PTPRG: variants seen among roughly 807,000 people sequenced by gnomAD.
PTPRG encodes receptor-type tyrosine-protein phosphatase gamma.
Under a neutral mutation model 165.3 loss-of-function variants are expected in PTPRG, and 102 were observed. The observed-to-expected ratio is 0.62, with a 90% CI of 0.53 to 0.73. PTPRG has a LOEUF of 0.73. PTPRG is among the 30% of genes least tolerant of loss of function. PTPRG has a pLI of 0.00. For synonymous variants in PTPRG, 675 were observed against 669.5 expected, an observed-to-expected ratio of 1.01 and a Z score of -0.13; for missense variants, 1,866 against 1,861.4, an observed-to-expected ratio of 1.00 and a Z score of -0.05.
intron 7 of PTPRG, among the ~76,000 whole-genome samples, chr3:62,165,167 A>G (rs1398979166): frequency 6.6e-6 from 1 of 152,106 alleles, no homozygotes; most frequent in African/African-American, 2.4e-5. Flanking sequence ...CTCCTTACTC[A>G]CCTTTTCCTC....
chr3:61,769,052 A>T (rs6762746), intron 2 of PTPRG, among the ~76,000 whole-genome samples: 1,614 of 152,294 alleles, frequency 0.011, 34 homozygotes, highest in African/African-American at 0.037. Flanking sequence ...TGTATGAAAG[A>T]GTTCCTTGGG....
At chr3:61,916,948 A>T (rs2038953044) in intron 2 of PTPRG, among the ~76,000 whole-genome samples, 1 of 152,192 alleles carries the variant, frequency 6.6e-6, no homozygotes. Context: ...GTCGAAATTG[A>T]TGGTGAATGA....
At position 62,245,219 on chromosome 3, in the gene PTPRG, C is replaced by T. The variant is rs913228733; in HGVS notation, c.2467+1321C>T. Among the ~76,000 whole-genome samples the T allele has an allele frequency of 2.6e-5, 4 of 152,170 alleles. No individual in the cohort carries two copies. Among genetic ancestry groups the T allele is most frequent in the Non-Finnish European group, 5.9e-5 (4 of 68,032 alleles). On this transcript the variant is annotated intron_variant, in intron 15 of 29. Coordinates refer to ENST00000474889, the MANE Select transcript of PTPRG (RefSeq NM_002841.4). The surrounding 1 kb of genome is among the most constrained non-coding windows in gnomAD (Gnocchi z 4.2). ...TGTGTGTTCTCCACTAACCCTGCCC[C>T]TTTTTCCTTGCTGAAGGAGACTACT...
At chr3:62,043,187 C>G (rs1700181990) in intron 4 of PTPRG, among the ~76,000 whole-genome samples, 1 of 152,168 alleles carries the variant, frequency 6.6e-6, no homozygotes, top group Admixed American at 6.5e-5. Context: ...TCAACAAATA[C>G]AAAGAAGCCC....
At chr3:61,953,985 G>T (rs1217219444) in intron 2 of PTPRG, among the ~76,000 whole-genome samples, 1 of 152,204 alleles carries the variant, frequency 6.6e-6, no homozygotes, top group Admixed American at 6.5e-5. Flanking sequence ...TTGCAAACCA[G>T]CTGCAAATAT....
rs1381083365 is a variant in PTPRG, at chr3:62,213,955, T to C, written c.2156-4896T>C. On this transcript the variant is annotated intron_variant, in intron 12 of 29. Transcript: ENST00000474889. The surrounding 1 kb of genome is among the most constrained non-coding windows in gnomAD (Gnocchi z 4.4). ...ACACCTATAATCCCAGCACTTTGAG[T>C]GGGGGCTGAGGCAGGAGGATCCCTT... Among the ~76,000 whole-genome samples the C allele has an allele frequency of 6.6e-6, 1 of 151,802 alleles. No homozygotes were observed. The highest frequency in any genetic ancestry group is 2.4e-5 in the African/African-American group (1 of 41,314).
At chr3:61,749,541 TCTAA>T (rs1262899097) in intron 2 of PTPRG, 2 of 173,980 alleles carry the variant, frequency 1.1e-5, no homozygotes, top group African/African-American at 2.4e-5. Flanking sequence ...AGAGCATTGT[TCTAA>T]CTATGTTGAA....
At chr3:61,612,709 A>G (rs745886569) in intron 1 of PTPRG, among the ~76,000 whole-genome samples, 6 of 152,198 alleles carry the variant, frequency 3.9e-5, no homozygotes, top group Non-Finnish European at 7.3e-5. Context: ...TGGAATGGGC[A>G]GAGAGCAGTT....
At chr3:61,694,067 G>C (rs979203013) in intron 1 of PTPRG, among the ~76,000 whole-genome samples, 2 of 151,634 alleles carry the variant, frequency 1.3e-5, no homozygotes, top group African/African-American at 4.8e-5. Context: ...TAAAAAGTAG[G>C]TGATGTTAAT....
intron 2 of PTPRG, among the ~76,000 whole-genome samples, chr3:61,960,276 GC>G (rs923191017): frequency 6.6e-6 from 1 of 151,742 alleles, no homozygotes; most frequent in Admixed American, 6.6e-5. Context: ...TCTTTAATGT[GC>G]AACTGTCTGG....
intron 5 of PTPRG, among the ~76,000 whole-genome samples, chr3:62,086,234 C>A (rs1209743917): frequency 6.7e-6 from 1 of 149,276 alleles, no homozygotes; most frequent in Non-Finnish European, 1.5e-5. Flanking sequence ...GAGTCTTTTT[C>A]TTTTTTTGAT....
At chr3:61,980,254 A>G (rs2040609639) in intron 2 of PTPRG, among the ~76,000 whole-genome samples, 1 of 152,176 alleles carries the variant, frequency 6.6e-6, no homozygotes, top group African/African-American at 2.4e-5. Flanking sequence ...CACCTCAGCA[A>G]GTCTTTCCCA....
At position 62,233,947 on chromosome 3, in the gene PTPRG, C is replaced by T. The variant is rs922543099; in HGVS notation, c.2375+2636C>T. 1.3e-5 allele frequency among the ~76,000 whole-genome samples: 2 copies of T among 152,148 alleles called. No individual in the cohort carries two copies. The highest frequency in any genetic ancestry group is 4.8e-5 in the African/African-American group (2 of 41,440). Reference sequence around the variant, plus strand: ...ATTATATGCACCACTAAATTACCATCCCATCACTCACCCACCCTGCTCCCT... The same window carrying T: ...ATTATATGCACCACTAAATTACCATTCCATCACTCACCCACCCTGCTCCCT... On this transcript the variant is annotated intron_variant, in intron 14 of 29. Transcript: ENST00000474889. The surrounding 1 kb of genome is among the most constrained non-coding windows in gnomAD (Gnocchi z 4.7).
intron 4 of PTPRG, among the ~76,000 whole-genome samples, chr3:62,029,404 A>G (rs1559755570): frequency 6.6e-6 from 1 of 152,220 alleles, no homozygotes; most frequent in African/African-American, 2.4e-5. Flanking sequence ...GCTCATTATC[A>G]AAAGGTGACC....
At chr3:62,031,340 G>C (rs927155799) in intron 4 of PTPRG, among the ~76,000 whole-genome samples, 1 of 152,198 alleles carries the variant, frequency 6.6e-6, no homozygotes, top group Non-Finnish European at 1.5e-5. Flanking sequence ...AGAGGAGTTG[G>C]ATAGGAGAAC....
At chr3:61,629,396 C>T (rs1341167966) in intron 1 of PTPRG, among the ~76,000 whole-genome samples, 2 of 152,080 alleles carry the variant, frequency 1.3e-5, no homozygotes, top group African/African-American at 2.4e-5. Context: ...CCTTGTGATC[C>T]GCCTGCCTTG....
chr3:62,016,050 G>A (rs979710095), intron 4 of PTPRG, among the ~76,000 whole-genome samples: 22 of 151,318 alleles, frequency 1.5e-4, no homozygotes, highest in African/African-American at 4.6e-4. Flanking sequence ...ATGTAACATA[G>A]AGAAGTGATC....
At chr3:61,719,475 C>T (rs553849291) in intron 1 of PTPRG, among the ~76,000 whole-genome samples, 60 of 152,214 alleles carry the variant, frequency 3.9e-4, no homozygotes, top group African/African-American at 1.3e-3. Context: ...TTGGCTCTCC[C>T]GGGTCTCCCC....
intron 1 of PTPRG, among the ~76,000 whole-genome samples, chr3:61,657,160 G>A (rs934093464): frequency 6.6e-6 from 1 of 152,132 alleles, no homozygotes; most frequent in Non-Finnish European, 1.5e-5. Flanking sequence ...TTGTCTACCG[G>A]TAATAAACTG....
Sources: gnomAD v4.1 joint callset for allele counts (sites outside exome capture counted in the v4.1 genomes callset) on GRCh38, gnomAD v4.1.1 for gene constraint, Gnocchi (gnomAD v3.1) non-coding constraint, MANE v1.5 for transcripts, NCBI Gene and HGNC (gene_info 2026-07-23, HGNC 2026-07-21) for gene names.